H4C15: variants seen among roughly 807,000 people sequenced by gnomAD.
The protein encoded by H4C15 is H4 clustered histone 15.
the H4C15 span, chr1:149,845,042 GGGGGAA>G: frequency 6.6e-6 from 1 of 152,200 alleles, no homozygotes; most frequent in Non-Finnish European, 1.5e-5. Context: ...AATTATATGT[GGGGGAA>G]GGTAGTGGTC....
the H4C15 span, chr1:149,844,865 A>T: frequency 6.6e-6 from 1 of 152,172 alleles, no homozygotes; most frequent in Non-Finnish European, 1.5e-5. Flanking sequence ...CTGCTTTTAC[A>T]CATACCTTAT....
At chr1:149,848,025 A>G in the H4C15 span, 11 of 152,184 alleles carry the variant, frequency 7.2e-5, no homozygotes, top group African/African-American at 2.7e-4. Flanking sequence ...GTTTTACGCC[A>G]TACAGTTTGT....
At chr1:149,855,384 G>GGGGT (rs1553757834), downstream of H4C15, among the ~76,000 whole-genome samples, 1 of 139,184 alleles carries the variant, frequency 7.2e-6, no homozygotes, top group South Asian at 2.3e-4. Context: ...GTGGGGGACA[G>GGGGT]GTGTGTGTGT....
At chr1:149,848,567 G>C in the H4C15 span, 1 of 152,176 alleles carries the variant, frequency 6.6e-6, no homozygotes, top group African/African-American at 2.4e-5. Context: ...ACACTCCCCT[G>C]CTGAGTTAGT....
At chr1:149,846,894 C>A in the H4C15 span, 1 of 152,136 alleles carries the variant, frequency 6.6e-6, no homozygotes. Context: ...GTGGCTGCTG[C>A]AACAAATTAC....
the H4C15 span, chr1:149,846,855 A>G: frequency 6.6e-6 from 1 of 152,224 alleles, no homozygotes; most frequent in Non-Finnish European, 1.5e-5. Flanking sequence ...TATTGAAAAA[A>G]TTCTATATAG....
the H4C15 span, chr1:149,847,664 G>A: frequency 1.3e-5 from 2 of 152,236 alleles, no homozygotes; most frequent in Admixed American, 1.3e-4. Flanking sequence ...AATCAGCCGG[G>A]CGTGCTGACG....
At chr1:149,855,385 G>GT (rs1491477480), downstream of H4C15, among the ~76,000 whole-genome samples, 7 of 4,716 alleles carry the variant, frequency 1.5e-3, no homozygotes, top group Admixed American at 3.4e-3. Context: ...TGGGGGACAG[G>GT]TGTGTGTGTG....
At chr1:149,850,170 T>C (rs911969071), downstream of H4C15, 3 of 638,992 alleles carry the variant, frequency 4.7e-6, no homozygotes, top group Non-Finnish European at 5.5e-6. Context: ...CTTATAGCAA[T>C]GCCTATGTGA....
At chr1:149,846,707 A>C in the H4C15 span, 1 of 152,208 alleles carries the variant, frequency 6.6e-6, no homozygotes, top group African/African-American at 2.4e-5. Flanking sequence ...ATATGTTGGC[A>C]CTTCTCCCTA....
downstream of H4C15, chr1:149,850,185 A>G (rs1480516667): frequency 2.9e-6 from 2 of 686,446 alleles, no homozygotes; most frequent in Non-Finnish European, 2.5e-6. Context: ...ATGTGAAAAG[A>G]AAATAGTTAT....
At chr1:149,847,949 T>C in the H4C15 span, 1 of 152,334 alleles carries the variant, frequency 6.6e-6, no homozygotes. Flanking sequence ...GGAGAGAGCA[T>C]GGCCCTACCA....
At chr1:149,850,300 A>C (rs587752405), downstream of H4C15, 14 of 1,424,932 alleles carry the variant, frequency 9.8e-6, no homozygotes, top group Admixed American at 2.5e-4. Context: ...AGGTGGTTAA[A>C]TGGCCCTGAA....
At chr1:149,847,019 A>C in the H4C15 span, 23 of 152,330 alleles carry the variant, frequency 1.5e-4, no homozygotes, top group East Asian at 3.5e-3. Flanking sequence ...AGAGACCTTA[A>C]GGGAGGGTCT....
chr1:149,850,360 AGGG>A (rs2092171094), downstream of H4C15: 1 of 682,810 alleles, frequency 1.5e-6, no homozygotes, highest in African/African-American at 1.8e-5. Flanking sequence ...GGAGGGAGGG[AGGG>A]AGCGAGCGAG....
chr1:149,849,532 TA>T (rs1187807320), downstream of H4C15, among the ~76,000 whole-genome samples: 2 of 152,200 alleles, frequency 1.3e-5, no homozygotes, highest in Non-Finnish European at 2.9e-5. Context: ...AAAACAAACC[TA>T]ATCAACCTCC....
downstream of H4C15, chr1:149,849,118 G>T (rs1265801937): frequency 1.3e-5 from 2 of 152,132 alleles, no homozygotes; most frequent in Non-Finnish European, 2.9e-5. Context: ...AAAAATCTAG[G>T]GGTTTCACTG....
downstream of H4C15, among the ~76,000 whole-genome samples, chr1:149,855,421 G>GTA: frequency 6.8e-6 from 1 of 146,360 alleles, no homozygotes. Flanking sequence ...GTGTGTGTGT[G>GTA]TGTTTAGAGG....
the H4C15 span, chr1:149,848,112 A>G: frequency 1.3e-5 from 2 of 152,194 alleles, no homozygotes; most frequent in Non-Finnish European, 2.9e-5. Flanking sequence ...TTTTAAATAA[A>G]ATTTCACATC....
Sources: gnomAD v4.1 joint callset for allele counts (sites outside exome capture counted in the v4.1 genomes callset) on GRCh38, gnomAD v4.1.1 for gene constraint, MANE v1.5 for transcripts, NCBI Gene and HGNC (gene_info 2026-07-23, HGNC 2026-07-21) for gene names.